EPHB1: variants seen among roughly 807,000 people sequenced by gnomAD.
The protein encoded by EPHB1 is EPH receptor B1.
EPHB1 carries 30 observed loss-of-function variants against 94.4 expected under a neutral mutation model. That is an observed-to-expected ratio of 0.32 (90% CI 0.24 to 0.43). The LOEUF (loss-of-function observed/expected upper bound fraction) is 0.43. Among genes scored for constraint, EPHB1 ranks in the 20% least tolerant of loss-of-function variants. EPHB1 has a pLI of 1.00. For missense variants in EPHB1, 1,055 were observed against 1,308.3 expected (o/e 0.81, Z 2.99); for synonymous variants, 522 against 489.1 (o/e 1.07, Z -0.89).
intron 3 of EPHB1, among the ~76,000 whole-genome samples, chr3:134,958,445 TGTGTGA>T (rs1933370544): frequency 7.1e-6 from 1 of 140,904 alleles, no homozygotes; most frequent in Non-Finnish European, 1.6e-5. Flanking sequence ...TGTGTGTGTG[TGTGTGA>T]GGCCTCAGTG....
At chr3:135,060,966 G>A (rs938801424) in intron 3 of EPHB1, among the ~76,000 whole-genome samples, 2 of 151,552 alleles carry the variant, frequency 1.3e-5, no homozygotes, top group Non-Finnish European at 2.9e-5. Flanking sequence ...CCAGCCTCTG[G>A]TAACCATCCT....
intron 4 of EPHB1, among the ~76,000 whole-genome samples, chr3:135,113,535 G>A (rs756092197): frequency 6.6e-5 from 10 of 152,060 alleles, no homozygotes; most frequent in Non-Finnish European, 1.2e-4. Flanking sequence ...AGGCAGAGGC[G>A]GTCATGCCAC....
intron 15 of EPHB1, among the ~76,000 whole-genome samples, chr3:135,252,182 TTTTA>T (rs1933138243): frequency 6.6e-6 from 1 of 151,096 alleles, no homozygotes; most frequent in Admixed American, 6.6e-5. Context: ...CATAGCTTAA[TTTTA>T]TTTTATTTTT....
chr3:135,012,712 C>T (rs1935663879), intron 3 of EPHB1, among the ~76,000 whole-genome samples: 1 of 152,224 alleles, frequency 6.6e-6, no homozygotes, highest in Non-Finnish European at 1.5e-5. Flanking sequence ...TCTGTCCCCA[C>T]TGCCCTGTCT....
At chr3:135,024,064 G>C (rs1226969826) in intron 3 of EPHB1, among the ~76,000 whole-genome samples, 2 of 152,166 alleles carry the variant, frequency 1.3e-5, no homozygotes, top group South Asian at 4.1e-4. Flanking sequence ...CATGTAATCA[G>C]CTCTTCCAGA....
intron 3 of EPHB1, among the ~76,000 whole-genome samples, chr3:135,097,931 T>C (rs765655801): frequency 3.9e-5 from 6 of 152,210 alleles, no homozygotes; most frequent in African/African-American, 7.2e-5. Context: ...ATGGTCTTGG[T>C]GCAATCTTTT....
At chr3:135,110,692 T>C (rs978973245) in intron 4 of EPHB1, among the ~76,000 whole-genome samples, 5 of 152,210 alleles carry the variant, frequency 3.3e-5, no homozygotes, top group Non-Finnish European at 5.9e-5. Flanking sequence ...GTGGCGATGA[T>C]GGTGATTGGC....
At chr3:134,917,714 T>A (rs1360470685) in intron 1 of EPHB1, among the ~76,000 whole-genome samples, 1 of 152,222 alleles carries the variant, frequency 6.6e-6, no homozygotes, top group Non-Finnish European at 1.5e-5. Context: ...ATTCAGCAGA[T>A]GGGTTGGGTT....
At chr3:135,082,090 T>C (rs1292666902) in intron 3 of EPHB1, among the ~76,000 whole-genome samples, 2 of 151,854 alleles carry the variant, frequency 1.3e-5, no homozygotes, top group African/African-American at 4.8e-5. Flanking sequence ...TTACAGGAAA[T>C]GTGGCTTGTC....
At chr3:135,057,385 G>A (rs1365125394) in intron 3 of EPHB1, among the ~76,000 whole-genome samples, 1 of 152,104 alleles carries the variant, frequency 6.6e-6, no homozygotes, top group East Asian at 1.9e-4. Context: ...TCTCTGGACA[G>A]CAGCACTTGC....
At chr3:134,915,612 C>G (rs1227558372) in intron 1 of EPHB1, among the ~76,000 whole-genome samples, 1 of 152,084 alleles carries the variant, frequency 6.6e-6, no homozygotes, top group Non-Finnish European at 1.5e-5. Flanking sequence ...GGACTTTGTT[C>G]CTTCTGATGT....
At chr3:135,074,492 A>C (rs1937840875) in intron 3 of EPHB1, among the ~76,000 whole-genome samples, 1 of 152,208 alleles carries the variant, frequency 6.6e-6, no homozygotes, top group South Asian at 2.1e-4. Flanking sequence ...TTAGTACCCT[A>C]GGACTTTTAC....
intron 13 of EPHB1, among the ~76,000 whole-genome samples, chr3:135,244,221 C>T (rs138970593): frequency 5.6e-4 from 85 of 152,306 alleles, no homozygotes; most frequent in Non-Finnish European, 1.1e-3. Context: ...CAACCCCTCA[C>T]CACACCTCCT....
chr3:134,812,962 C>T (rs1203619442), intron 1 of EPHB1, among the ~76,000 whole-genome samples: 1 of 152,172 alleles, frequency 6.6e-6, no homozygotes, highest in Non-Finnish European at 1.5e-5. Flanking sequence ...CTGCTTTCAA[C>T]ATGGACGGTT....
At chr3:135,174,004 G>A (rs1006467919) in intron 9 of EPHB1, among the ~76,000 whole-genome samples, 1 of 152,114 alleles carries the variant, frequency 6.6e-6, no homozygotes, top group African/African-American at 2.4e-5. Flanking sequence ...AATTTGTCTT[G>A]TCTCTTCTGC....
At chr3:134,929,439 C>T (rs767829429) in intron 2 of EPHB1, among the ~76,000 whole-genome samples, 6 of 152,152 alleles carry the variant, frequency 3.9e-5, no homozygotes, top group Non-Finnish European at 7.4e-5. Flanking sequence ...CAACTGTGCA[C>T]GGGTGAGGAT....
At chr3:135,187,815 G>C (rs1942364618) in intron 10 of EPHB1, among the ~76,000 whole-genome samples, 1 of 152,086 alleles carries the variant, frequency 6.6e-6, no homozygotes, top group African/African-American at 2.4e-5. Context: ...GTCTCAAAAG[G>C]CTGCAGAAAC....
chr3:134,815,943 T>G (rs982580307), intron 1 of EPHB1, among the ~76,000 whole-genome samples: 1 of 132,080 alleles, frequency 7.6e-6, no homozygotes, highest in Admixed American at 7.9e-5. Flanking sequence ...CACACATTTG[T>G]TTTTTGGGGG....
chr3:135,002,331 T>C (rs925663771), intron 3 of EPHB1, among the ~76,000 whole-genome samples: 12 of 152,218 alleles, frequency 7.9e-5, no homozygotes, highest in Admixed American at 7.2e-4. Flanking sequence ...CTTTTTGATG[T>C]GCTGCTGGAT....
Sources: allele counts gnomAD v4.1 joint callset (sites outside exome capture counted in the v4.1 genomes callset), GRCh38; gene constraint gnomAD v4.1.1; transcripts MANE v1.5; gene names NCBI Gene and HGNC (gene_info 2026-07-23, HGNC 2026-07-21).